The following UGGT1 variants were observed in gnomAD, a reference collection of about 807,000 sequenced individuals.
UGGT1 encodes the protein UDP-glucose:glycoprotein glucosyltransferase 1.
UGGT1 carries 107 observed loss-of-function variants against 203.9 expected under a neutral mutation model. That is an observed-to-expected ratio of 0.52 (90% CI 0.45 to 0.62). UGGT1 has a LOEUF of 0.62. Ranked by LOEUF, UGGT1 falls within the 20% of genes least tolerant of loss-of-function variation. The pLI, the probability that UGGT1 is intolerant of heterozygous loss-of-function variation, is 0.00. For synonymous variants in UGGT1, 628 were observed against 653.5 expected, an observed-to-expected ratio of 0.96 and a Z score of 0.59; for missense variants, 1,673 against 1,867.2, an observed-to-expected ratio of 0.90 and a Z score of 1.92.
intron 15 of UGGT1, among the ~76,000 whole-genome samples, chr2:128,137,758 C>T (rs1689200114): frequency 6.6e-6 from 1 of 152,220 alleles, no homozygotes; most frequent in South Asian, 2.1e-4. Context: ...GATTAATATG[C>T]ATGTGCATGT....
In UGGT1 at chr2:128,189,988, G is replaced by A. The variant is rs2104849798; in HGVS notation, c.*246G>A. On this transcript the variant is annotated 3_prime_UTR_variant, in exon 41 of 41. Transcript: ENST00000259253. ...GCTGATCCTTTGGACTCTGTAAAGA[G>A]CATTCTTCTAGTCAGAGGGTGGAAT... 2 of 423,466 alleles carry A rather than the reference G, an allele frequency of 4.7e-6. No individual in the cohort carries two copies. The highest frequency in any genetic ancestry group is 8.5e-6 in the Non-Finnish European group (2 of 235,270). 26.2% of individuals were successfully genotyped at this position (423,466 alleles called of 1,614,324 possible).
At chr2:128,119,068 C>T (rs1688256840) in intron 8 of UGGT1, among the ~76,000 whole-genome samples, 1 of 152,184 alleles carries the variant, frequency 6.6e-6, no homozygotes, top group Non-Finnish European at 1.5e-5. Flanking sequence ...GGAATATTTG[C>T]ATGATACTTA....
chr2:128,102,717 C>T (rs912305918), intron 2 of UGGT1, among the ~76,000 whole-genome samples: 4 of 152,106 alleles, frequency 2.6e-5, no homozygotes, highest in African/African-American at 7.2e-5. Flanking sequence ...TGTATTTATT[C>T]GTGTGTGGCC....
intron 29 of UGGT1, 49 bp downstream of exon 29, chr2:128,172,811 C>T: frequency 6.5e-7 from 1 of 1,539,628 alleles, no homozygotes; most frequent in Non-Finnish European, 8.9e-7. Context: ...TATAATACAG[C>T]AGATTGAATC....
At chr2:128,131,079 A>G (rs907887590) in intron 13 of UGGT1, among the ~76,000 whole-genome samples, 2 of 151,466 alleles carry the variant, frequency 1.3e-5, no homozygotes, top group African/African-American at 2.4e-5. Flanking sequence ...CTAAAAATAC[A>G]AAAATTAGCT....
At chr2:128,182,672 C>G (rs2104823149) in intron 37 of UGGT1, among the ~76,000 whole-genome samples, 1 of 130,160 alleles carries the variant, frequency 7.7e-6, no homozygotes, top group Non-Finnish European at 1.5e-5. Flanking sequence ...GCACTCCAGC[C>G]TGGATGACAG....
intron 34 of UGGT1, among the ~76,000 whole-genome samples, chr2:128,179,572 G>T (rs1320947427): frequency 6.6e-6 from 1 of 152,212 alleles, no homozygotes; most frequent in Non-Finnish European, 1.5e-5. Flanking sequence ...TAGTTTTATA[G>T]GTGAGGAATG....
intron 9 of UGGT1, among the ~76,000 whole-genome samples, 173 bp from the exon 10 acceptor site, chr2:128,121,026 G>A (rs560505146): frequency 6.6e-6 from 1 of 152,296 alleles, no homozygotes; most frequent in Non-Finnish European, 1.5e-5. Flanking sequence ...ATACTCCAGA[G>A]ATCTTTGAAG....
intron 37 of UGGT1, among the ~76,000 whole-genome samples, chr2:128,183,285 G>T (rs1691801256): frequency 6.6e-6 from 1 of 152,254 alleles, no homozygotes. Context: ...TACATTCCTG[G>T]TCCAAAAGAA....
chr2:128,161,353 T>C lies in UGGT1; in HGVS notation c.2825+85T>C, dbSNP rs1690521893. The C allele has an allele frequency of 3.4e-6, 5 of 1,471,096 alleles. No individual in the cohort carries two copies. In the Admixed American group the frequency reaches 1.0e-4, roughly 29 times the overall value. 91.1% of individuals were successfully genotyped at this position (1,471,096 alleles called of 1,614,324 possible). A position where few individuals can be genotyped will look rare whatever the true frequency, so the allele number is the denominator to read the frequency against. On this transcript the variant is annotated intron_variant, in intron 25 of 40. Transcript: ENST00000259253. ...AGTTAGAATTATATGTTGTTACTCA[T>C]ACTACATATCCCAAGGAGTTTTATT...
At chr2:128,092,510 A>G (rs969919640) in intron 1 of UGGT1, among the ~76,000 whole-genome samples, 10 of 151,682 alleles carry the variant, frequency 6.6e-5, no homozygotes, top group Non-Finnish European at 1.5e-4. Flanking sequence ...AAATTTGCTT[A>G]GAACTTTCCT....
chr2:128,130,117 CG>C (rs1232373430), intron 13 of UGGT1, among the ~76,000 whole-genome samples: 1 of 151,956 alleles, frequency 6.6e-6, no homozygotes, highest in Non-Finnish European at 1.5e-5. Context: ...AAAAATTAGC[CG>C]GGTGTGGTGG....
intron 18 of UGGT1, among the ~76,000 whole-genome samples, chr2:128,149,688 G>A (rs1351549896): frequency 2.6e-5 from 4 of 151,778 alleles, no homozygotes; most frequent in African/African-American, 9.7e-5. Flanking sequence ...CAGGAGAATC[G>A]CTTGAACCTG....
At position 128,094,736 on chromosome 2, in the gene UGGT1, C is replaced by CTTTTTTTTTT. The variant is rs70988604; in HGVS notation, c.59-2672_59-2663dup. ...GTCTATGGTTAGTCCTAAGAGAATG[C>CTTTTTTTTTT]TTTTTTTTTTTTTTTTTTTTTTTTT... On this transcript the variant is annotated intron_variant, in intron 1 of 40. Coordinates refer to ENST00000259253, the MANE Select transcript of UGGT1 (RefSeq NM_020120.4). 7.1e-5 allele frequency among the ~76,000 whole-genome samples: 6 copies of CTTTTTTTTTT among 84,636 alleles called. 1 individual carries two copies. The highest frequency in any genetic ancestry group is 2.8e-4 in the African/African-American group (5 of 17,604). The allele number at this position is 84,636 out of a possible 152,430, so 55.5% of individuals were successfully genotyped here.
At chr2:128,120,814 T>C (rs771062328) in intron 9 of UGGT1, among the ~76,000 whole-genome samples, 4 of 152,228 alleles carry the variant, frequency 2.6e-5, no homozygotes, top group Admixed American at 6.5e-5. Flanking sequence ...TATGTGTTTT[T>C]CTCTGTTCCA....
rs540978772 is a variant in UGGT1, at chr2:128,091,579, A to G, written c.58+164A>G. ...TTCGCGAGCGCCCCGAGTTGCCCTC[A>G]GTGGTCTTCTTGGCAAGGTATCGCT... On this transcript the variant is annotated intron_variant, in intron 1 of 40. Transcript: ENST00000259253. The G allele has an allele frequency of 5.1e-5, 74 of 1,440,748 alleles. 3 individuals carry two copies. The South Asian group carries it at 1.0e-3, about 20-fold the overall frequency. 89.2% of individuals were successfully genotyped at this position (1,440,748 alleles called of 1,614,324 possible).
intron 11 of UGGT1, among the ~76,000 whole-genome samples, chr2:128,125,735 A>G (rs941793565): frequency 6.6e-6 from 1 of 150,924 alleles, no homozygotes; most frequent in Non-Finnish European, 1.5e-5. Context: ...CTGAGGGATA[A>G]ATAAATGTTT....
intron 22 of UGGT1, among the ~76,000 whole-genome samples, chr2:128,159,103 T>TC (rs1434917710): frequency 1.7e-5 from 2 of 121,004 alleles, no homozygotes; most frequent in East Asian, 4.5e-4. Context: ...CTTTTTTTTT[T>TC]TTTTTTTTTT....
At chr2:128,106,636 G>A (rs1460742632) in intron 3 of UGGT1, among the ~76,000 whole-genome samples, 4 of 151,976 alleles carry the variant, frequency 2.6e-5, no homozygotes, top group Non-Finnish European at 4.4e-5. Context: ...GCGTAATCTC[G>A]CTGCAACCTC....
Sources: allele counts gnomAD v4.1 joint callset (sites outside exome capture counted in the v4.1 genomes callset), GRCh38; gene constraint gnomAD v4.1.1; transcripts MANE v1.5; gene names NCBI Gene and HGNC (gene_info 2026-07-23, HGNC 2026-07-21).